The following RASEF variants were observed in gnomAD, a reference collection of about 807,000 sequenced individuals.
The protein encoded by RASEF is ras and EF-hand domain-containing protein.
In RASEF, 68 loss-of-function variants were observed where a neutral mutation model predicts 90.1. That is an observed-to-expected ratio of 0.75 (90% CI 0.62 to 0.92). The LOEUF (loss-of-function observed/expected upper bound fraction) is 0.92, where lower values mean the gene tolerates loss of function less well. Among genes scored for constraint, RASEF ranks in the 40% least tolerant of loss-of-function variants. The pLI, the probability that RASEF is intolerant of heterozygous loss-of-function variation, is 0.00. For missense variants in RASEF, 949 were observed against 937.2 expected (o/e 1.01, Z -0.16); for synonymous variants, 331 against 345.2 (o/e 0.96, Z 0.46).
rs1275049510 is a variant in RASEF, at chr9:82,992,808, G to A, written c.2040+98C>T. The A allele has an allele frequency of 3.9e-6, 5 of 1,295,714 alleles. No homozygotes were observed. In the African/African-American group the frequency reaches 5.9e-5, roughly 15 times the overall value. 80.3% of individuals were successfully genotyped at this position (1,295,714 alleles called of 1,614,324 possible). A position where few individuals can be genotyped will look rare whatever the true frequency, so the allele number is the denominator to read the frequency against. On this transcript the variant is annotated intron_variant, in intron 15 of 16. Coordinates refer to ENST00000376447, the MANE Select transcript of RASEF (RefSeq NM_152573.4). Reference sequence around the variant, plus strand: ...CTCAGACGGGGGAGGTTTGTCAAAGGACCTCTCAAGCAAAGGTAGACAAAA... The same window carrying A: ...CTCAGACGGGGGAGGTTTGTCAAAGAACCTCTCAAGCAAAGGTAGACAAAA...
chr9:83,085,680 C>A, the RASEF span, among the ~76,000 whole-genome samples: 1 of 152,074 alleles, frequency 6.6e-6, no homozygotes, highest in Non-Finnish European at 1.5e-5. Flanking sequence ...AATCCCAGCA[C>A]TTTGGGAGGC....
chr9:83,071,869 T>C, the RASEF span, among the ~76,000 whole-genome samples: 3 of 152,182 alleles, frequency 2.0e-5, no homozygotes, highest in Admixed American at 2.0e-4. Context: ...TGAGTCTTCT[T>C]CTAAAGCTGC....
the RASEF span, among the ~76,000 whole-genome samples, chr9:83,128,480 G>A: frequency 2.2e-5 from 1 of 45,674 alleles, no homozygotes; most frequent in Admixed American, 2.4e-4. Context: ...TTTTTTTTTT[G>A]CATACTCACA....
At chr9:83,108,553 A>G in the RASEF span, among the ~76,000 whole-genome samples, 1 of 152,196 alleles carries the variant, frequency 6.6e-6, no homozygotes, top group Non-Finnish European at 1.5e-5. Flanking sequence ...AGAGAATCCA[A>G]TGAAGGCTAA....
chr9:82,989,375 C>A (rs1564068601), intron 16 of RASEF, among the ~76,000 whole-genome samples: 1 of 152,040 alleles, frequency 6.6e-6, no homozygotes, highest in African/African-American at 2.4e-5. Context: ...GAATTAATGT[C>A]CATCAAGAAT....
chr9:83,009,438 A>C (rs1285183319), intron 6 of RASEF, among the ~76,000 whole-genome samples: 1 of 152,208 alleles, frequency 6.6e-6, no homozygotes, highest in Non-Finnish European at 1.5e-5. Context: ...TAGCCAAAAC[A>C]GACAATAATT....
chr9:83,199,448 A>G, the RASEF span, among the ~76,000 whole-genome samples: 1 of 152,162 alleles, frequency 6.6e-6, no homozygotes, highest in Admixed American at 6.5e-5. Flanking sequence ...AGCATCATCC[A>G]CTAGAGGCCA....
the RASEF span, among the ~76,000 whole-genome samples, chr9:83,141,137 C>T: frequency 4.1e-5 from 5 of 123,158 alleles, no homozygotes; most frequent in East Asian, 1.3e-3. Flanking sequence ...GAGCAAAATT[C>T]CATCTCAAAA....
intron 3 of RASEF, 53 bp from the exon 4 acceptor site, chr9:83,015,953 T>C (rs1012645278): frequency 7.6e-7 from 1 of 1,315,696 alleles, no homozygotes; most frequent in Non-Finnish European, 1.1e-6. Flanking sequence ...CCTCTTAACC[T>C]TCAAAACCCC....
At chr9:83,079,574 C>G in the RASEF span, among the ~76,000 whole-genome samples, 1 of 152,172 alleles carries the variant, frequency 6.6e-6, no homozygotes, top group Non-Finnish European at 1.5e-5. Flanking sequence ...AAACGCCTCC[C>G]ACCAGGTCCC....
chr9:83,114,676 G>A, the RASEF span, among the ~76,000 whole-genome samples: 2,032 of 152,240 alleles, frequency 0.013, 117 homozygotes, highest in Admixed American at 0.11. Flanking sequence ...TGGTCACAGC[G>A]GTGGGATGAA....
the RASEF span, among the ~76,000 whole-genome samples, chr9:83,194,948 T>G: frequency 6.6e-6 from 1 of 152,228 alleles, no homozygotes; most frequent in East Asian, 1.9e-4. Flanking sequence ...AGCCCTAGAA[T>G]GGCCATCTCT....
the RASEF span, among the ~76,000 whole-genome samples, chr9:83,158,624 A>C: frequency 1.1e-3 from 126 of 115,574 alleles, no homozygotes; most frequent in Non-Finnish European, 1.6e-3. Flanking sequence ...GTATATATGT[A>C]CATATGTATA....
rs1230474487 is a variant in RASEF, at chr9:82,981,390, A to AT, written c.*1286dup. 1.3e-5 allele frequency: 2 copies of AT among 152,202 alleles called. No homozygotes were observed. Among genetic ancestry groups the AT allele is most frequent in the African/African-American group, 4.8e-5 (2 of 41,434 alleles). 9.4% of individuals were successfully genotyped at this position (152,202 alleles called of 1,614,324 possible). A position where few individuals can be genotyped will look rare whatever the true frequency, so the allele number is the denominator to read the frequency against. On this transcript the variant is annotated 3_prime_UTR_variant, in exon 17 of 17. Coordinates refer to ENST00000376447, the MANE Select transcript of RASEF (RefSeq NM_152573.4). ...CCCTGACTCACCTTTCCTAATGGTGATTCCTCTTTCAAGGATATTATTTCA... is the reference window on the plus strand; with the variant it reads ...CCCTGACTCACCTTTCCTAATGGTGATTTCCTCTTTCAAGGATATTATTTCA...
chr9:83,009,689 A>C lies in RASEF; in HGVS notation c.911T>G (p.Leu304Ter). Residue 304 changes from leucine (L) to a stop codon, truncating the protein, a stop_gained, in exon 6 of 17, where the codon TTA becomes TGA. Coordinates refer to ENST00000376447, the MANE Select transcript of RASEF (RefSeq NM_152573.4). LOFTEE classifies it high-confidence loss of function. ...QTNIAFLQSELDALKSDYADQ... is the reference protein window; with the variant it reads ...QTNIAFLQSE Reference sequence around the variant, plus strand: ...AGCATAATCACTTTTCAAAGCATCTAACTCACTCTGAAGAAAGGCTATGTT... The same window carrying C: ...AGCATAATCACTTTTCAAAGCATCTCACTCACTCTGAAGAAAGGCTATGTT... 6.2e-7 allele frequency: 1 copy of C among 1,613,408 alleles called. No homozygotes were observed. Among genetic ancestry groups the C allele is most frequent in the South Asian group, 1.1e-5 (1 of 91,070 alleles).
the RASEF span, among the ~76,000 whole-genome samples, chr9:83,110,888 C>G: frequency 6.6e-6 from 1 of 152,064 alleles, no homozygotes; most frequent in Non-Finnish European, 1.5e-5. Context: ...TGTACATTCA[C>G]CCAGTTCTCC....
chr9:83,180,169 T>C, the RASEF span, among the ~76,000 whole-genome samples: 1 of 152,282 alleles, frequency 6.6e-6, no homozygotes, highest in African/African-American at 2.4e-5. Context: ...TTAAGCCAAG[T>C]ACAAAATTTA....
At chr9:83,001,594 C>G (rs1234258055) in intron 9 of RASEF, among the ~76,000 whole-genome samples, 1 of 152,140 alleles carries the variant, frequency 6.6e-6, no homozygotes, top group Non-Finnish European at 1.5e-5. Flanking sequence ...ATGTCAGACT[C>G]AAGACCCTCA....
chr9:83,043,013 G>A (rs913500916), intron 1 of RASEF, among the ~76,000 whole-genome samples: 1 of 152,106 alleles, frequency 6.6e-6, no homozygotes, highest in African/African-American at 2.4e-5. Flanking sequence ...ACTACCTCCC[G>A]GGATAAAGCT....
Sources: gnomAD v4.1 joint callset for allele counts (sites outside exome capture counted in the v4.1 genomes callset) on GRCh38, gnomAD v4.1.1 for gene constraint, MANE v1.5 for transcripts, NCBI Gene and HGNC (gene_info 2026-07-23, HGNC 2026-07-21) for gene names.